The following ADGRL3 variants were observed in gnomAD, a reference collection of about 807,000 sequenced individuals.
ADGRL3 encodes the protein calcium-independent alpha-latrotoxin receptor 3.
Under a neutral mutation model 153.5 loss-of-function variants are expected in ADGRL3, and 62 were observed. The ratio of observed to expected loss-of-function variants is 0.40; its 90% CI spans 0.33 to 0.50. ADGRL3 has a LOEUF of 0.50. Ranked by LOEUF, ADGRL3 falls within the 20% of genes least tolerant of loss-of-function variation. The pLI, the probability that ADGRL3 is intolerant of heterozygous loss-of-function variation, is 0.47. For missense variants in ADGRL3, 1,641 were observed against 1,859.4 expected (o/e 0.88, Z 2.16); for synonymous variants, 710 against 672.5 (o/e 1.06, Z -0.86).
At chr4:61,440,424 A>G (rs952233144) in intron 2 of ADGRL3, among the ~76,000 whole-genome samples, 7 of 152,202 alleles carry the variant, frequency 4.6e-5, no homozygotes, top group Non-Finnish European at 1.0e-4. Flanking sequence ...TGGAAACTAC[A>G]ACAAAGTTTG....
chr4:61,725,046 C>T (rs1450969210), intron 6 of ADGRL3, among the ~76,000 whole-genome samples: 6 of 152,136 alleles, frequency 3.9e-5, no homozygotes, highest in Non-Finnish European at 8.8e-5. Context: ...CATTCTGTCC[C>T]TTTCTTTGAA....
intron 2 of ADGRL3, among the ~76,000 whole-genome samples, chr4:61,384,392 A>T (rs1178621974): frequency 6.6e-6 from 1 of 151,342 alleles, no homozygotes; most frequent in Non-Finnish European, 1.5e-5. Flanking sequence ...AATAGATGTG[A>T]TTGACTCTTT....
At chr4:61,823,985 C>T (rs1323597631) in intron 9 of ADGRL3, among the ~76,000 whole-genome samples, 1 of 152,088 alleles carries the variant, frequency 6.6e-6, no homozygotes, top group African/African-American at 2.4e-5. Flanking sequence ...TTGCTTGATC[C>T]TGGGAGGCAG....
chr4:61,949,252 T>C lies in ADGRL3; in HGVS notation c.2805+976T>C, dbSNP rs114267312. Among the ~76,000 whole-genome samples the C allele has an allele frequency of 9.9e-3, 1,508 of 152,282 alleles. 22 individuals carry two copies. Among genetic ancestry groups the C allele is most frequent in the African/African-American group, 0.034 (1,409 of 41,550 alleles). ...CAGATCCCGTGTTGGGTTCAACCAATTGTTATATTTGGAAGAAGGCTATTA... is the reference window on the plus strand; with the variant it reads ...CAGATCCCGTGTTGGGTTCAACCAACTGTTATATTTGGAAGAAGGCTATTA... On this transcript the variant is annotated intron_variant, in intron 17 of 26. Transcript: ENST00000683033.
chr4:61,267,749 C>T lies in ADGRL3; in HGVS notation c.-240+65984C>T, dbSNP rs56872244. Among the ~76,000 whole-genome samples the T allele has an allele frequency of 1.1e-3, 169 of 151,746 alleles. 2 individuals carry two copies. The South Asian group carries it at 0.025, about 23-fold the overall frequency. Reference sequence around the variant, plus strand: ...CCTCTCAATAAAAAGGCAGGCTGTACATGAACTTAATCACTGTATCTATTT... The same window carrying T: ...CCTCTCAATAAAAAGGCAGGCTGTATATGAACTTAATCACTGTATCTATTT... On this transcript the variant is annotated intron_variant, in intron 1 of 26. Coordinates refer to ENST00000683033, the MANE Select transcript of ADGRL3 (RefSeq NM_001387552.1).
rs115925060 is a variant in ADGRL3 at position 61,833,099 on chromosome 4, A to G, written c.1480+19210A>G. Among the ~76,000 whole-genome samples, 1,407 of 152,282 alleles carry G rather than the reference A, an allele frequency of 9.2e-3. 25 individuals are homozygous for G. Among genetic ancestry groups the G allele is most frequent in the African/African-American group, 0.031 (1,278 of 41,564 alleles). On this transcript the variant is annotated intron_variant, in intron 9 of 26. Transcript: ENST00000683033. ...GAAAAAAGTGTTTATTTGTATTTTT[A>G]TCTTCAAATTTATTCCATTTTTGCT... is the stretch of plus-strand genomic sequence containing the variant.
At chr4:61,471,678 A>G (rs151244671) in intron 2 of ADGRL3, among the ~76,000 whole-genome samples, 48 of 152,110 alleles carry the variant, frequency 3.2e-4, no homozygotes, top group South Asian at 1.2e-3. Flanking sequence ...GGAGTGCCAT[A>G]CCCTTTAGAG....
intron 25 of ADGRL3, among the ~76,000 whole-genome samples, chr4:62,061,381 A>G (rs1023462827): frequency 1.3e-5 from 2 of 151,262 alleles, no homozygotes; most frequent in East Asian, 1.9e-4. Flanking sequence ...TTGTGAAACT[A>G]TACTGCAATA....
intron 4 of ADGRL3, among the ~76,000 whole-genome samples, chr4:61,532,538 G>GCA (rs1233630085): frequency 4.6e-5 from 2 of 43,030 alleles, no homozygotes; most frequent in Non-Finnish European, 1.1e-4. Flanking sequence ...GCATGCGCGC[G>GCA]CGCGCGCGCG....
chr4:61,966,478 C>T (rs1194004769), intron 17 of ADGRL3, among the ~76,000 whole-genome samples: 1 of 152,020 alleles, frequency 6.6e-6, no homozygotes, highest in African/African-American at 2.4e-5. Flanking sequence ...CTGGGTAACT[C>T]ATATCTGGTA....
Position 61,456,416 on chromosome 4 carries a change from GATATATCTATATCTATATATAT to G in ADGRL3, c.-173-40703_-173-40682del, listed in dbSNP as rs1560664591. On this transcript the variant is annotated intron_variant, in intron 2 of 26. Transcript: ENST00000683033. ...ATATATCTATATCTATATATATATA[GATATATCTATATCTATATATAT>G]AGATATATCTATATCTATATATATA... Among the ~76,000 whole-genome samples the G allele has an allele frequency of 1.9e-4, 9 of 47,780 alleles. No homozygotes were observed. In the South Asian group the frequency reaches 3.8e-3, roughly 20 times the overall value. 31.3% of individuals were successfully genotyped at this position (47,780 alleles called of 152,430 possible).
intron 8 of ADGRL3, among the ~76,000 whole-genome samples, chr4:61,750,761 G>T (rs1277317467): frequency 1.4e-5 from 2 of 148,042 alleles, no homozygotes; most frequent in African/African-American, 2.6e-5. Flanking sequence ...CTGCACTCCA[G>T]CCTGGGCGAC....
chr4:61,586,513 AC>A (rs1191395108), intron 4 of ADGRL3, among the ~76,000 whole-genome samples: 1 of 152,086 alleles, frequency 6.6e-6, no homozygotes, highest in East Asian at 1.9e-4. Flanking sequence ...ATAGTGTGAT[AC>A]TACCTGAGTA....
chr4:61,348,408 T>A (rs1215263251), intron 1 of ADGRL3, among the ~76,000 whole-genome samples: 2 of 152,030 alleles, frequency 1.3e-5, no homozygotes, highest in East Asian at 3.9e-4. Context: ...CTTCCCTGAA[T>A]ACTTCAATGA....
chr4:61,640,230 T>C (rs1271474981), intron 5 of ADGRL3, among the ~76,000 whole-genome samples: 2 of 118,050 alleles, frequency 1.7e-5, no homozygotes, highest in Non-Finnish European at 4.5e-5. Flanking sequence ...TCATTTTGAA[T>C]AGAAAAAAAA....
chr4:61,775,801 G>A lies in ADGRL3; in HGVS notation c.1400-38008G>A, dbSNP rs1230219045. ...GGCAGTCTTCAGCACCTCCTGTAAAGCAGTATTAACGTCCATTACGCTTCC... is the reference window on the plus strand; with the variant it reads ...GGCAGTCTTCAGCACCTCCTGTAAAACAGTATTAACGTCCATTACGCTTCC... On this transcript the variant is annotated intron_variant, in intron 8 of 26. Coordinates refer to ENST00000683033, the MANE Select transcript of ADGRL3 (RefSeq NM_001387552.1). 3.9e-6 allele frequency: 3 copies of A among 761,800 alleles called. No homozygotes were observed. The East Asian group carries it at 7.4e-5, about 19-fold the overall frequency. The allele number at this position is 761,800 out of a possible 1,614,324, so 47.2% of individuals were successfully genotyped here.
At chr4:61,894,226 C>T (rs1401327529) in intron 10 of ADGRL3, among the ~76,000 whole-genome samples, 2 of 151,966 alleles carry the variant, frequency 1.3e-5, no homozygotes, top group African/African-American at 4.8e-5. Context: ...GGGACTTTCT[C>T]CTTGGGTATT....
chr4:61,969,570 T>C (rs1424974988), intron 17 of ADGRL3, among the ~76,000 whole-genome samples: 1 of 152,136 alleles, frequency 6.6e-6, no homozygotes, highest in Non-Finnish European at 1.5e-5. Flanking sequence ...CTCATTTGCA[T>C]CACTGAACTG....
intron 5 of ADGRL3, among the ~76,000 whole-genome samples, chr4:61,646,523 G>C (rs1186545698): frequency 6.6e-6 from 1 of 151,222 alleles, no homozygotes; most frequent in Non-Finnish European, 1.5e-5. Flanking sequence ...CAGGTCTGTT[G>C]GAGTACTGGG....
Sources: allele counts gnomAD v4.1 joint callset (sites outside exome capture counted in the v4.1 genomes callset), GRCh38; gene constraint gnomAD v4.1.1; transcripts MANE v1.5; gene names NCBI Gene and HGNC (gene_info 2026-07-23, HGNC 2026-07-21).